The following PDIA6 variants were observed in gnomAD, a reference collection of about 807,000 sequenced individuals.
The protein encoded by PDIA6 is protein disulfide isomerase family A member 6, also known as protein disulfide-isomerase A6.
In PDIA6, 29 loss-of-function variants were observed where a neutral mutation model predicts 58.4. The observed-to-expected ratio is 0.50, with a 90% CI of 0.37 to 0.68. The LOEUF (loss-of-function observed/expected upper bound fraction) is 0.68, where lower values mean the gene tolerates loss of function less well. PDIA6 is among the 30% of genes least tolerant of loss of function. The pLI, the probability that PDIA6 is intolerant of heterozygous loss-of-function variation, is 0.00. For synonymous variants in PDIA6, 192 were observed against 202.6 expected (o/e 0.95, Z 0.44); for missense variants, 480 against 551.0 (o/e 0.87, Z 1.29).
chr2:10,820,107 G>A (rs909823706), intron 1 of PDIA6, among the ~76,000 whole-genome samples: 19 of 152,350 alleles, frequency 1.2e-4, no homozygotes, highest in South Asian at 2.1e-4. Flanking sequence ...CCTGTGGTTC[G>A]TTGTCTCATG....
intron 11 of PDIA6, 39 bp downstream of exon 11, chr2:10,787,242 A>G (rs1665808920): frequency 6.3e-7 from 1 of 1,585,570 alleles, no homozygotes; most frequent in Non-Finnish European, 8.7e-7. Flanking sequence ...GAACCAAACA[A>G]ACAGACAAAA....
rs116547965 is a variant in PDIA6, at chr2:10,798,889, T to C, written c.162-1132A>G. On this transcript the variant is annotated intron_variant, in intron 2 of 12. Coordinates refer to ENST00000272227, the MANE Select transcript of PDIA6 (RefSeq NM_005742.4). The stretch of plus-strand genomic sequence containing the variant: ...ATCAACTATGCCTATATCTCAATAC[T>C]TTCTGGGTCCCGCAAATTGCTTCTG... Among the ~76,000 whole-genome samples the C allele has an allele frequency of 5.7e-3, 865 of 152,326 alleles. 2 individuals carry two copies. The highest frequency in any genetic ancestry group is 9.4e-3 in the Non-Finnish European group (639 of 68,040).
At chr2:10,790,013 C>T (rs1370769989) in intron 7 of PDIA6, 124 bp from the exon 8 acceptor site, 16 of 756,548 alleles carry the variant, frequency 2.1e-5, no homozygotes, top group Non-Finnish European at 2.9e-5. Context: ...CAGTCTCACT[C>T]TGTTGCCCAG....
At chr2:10,810,337 C>T (rs192255906) in intron 1 of PDIA6, 1 of 1,525,012 alleles carries the variant, frequency 6.6e-7, no homozygotes, top group African/African-American at 1.4e-5. Context: ...TAGACTGTGG[C>T]AGAATTAGGT....
chr2:10,792,062 T>C (rs1666060030), intron 5 of PDIA6, 137 bp from the exon 6 acceptor site: 1 of 930,580 alleles, frequency 1.1e-6, no homozygotes, highest in African/African-American at 1.6e-5. Context: ...AAAACGGTTG[T>C]ATTCAAATTG....
At chr2:10,833,308 C>T (rs1342676030), upstream of PDIA6, among the ~76,000 whole-genome samples, 3 of 152,212 alleles carry the variant, frequency 2.0e-5, no homozygotes, top group Non-Finnish European at 4.4e-5. Flanking sequence ...CTCTCCCCTC[C>T]TCCGGCTCCC....
chr2:10,820,656 T>C, intron 1 of PDIA6: 1 of 599,880 alleles, frequency 1.7e-6, no homozygotes, highest in East Asian at 2.8e-5. Context: ...GAAGGGAAGT[T>C]CTGTCGAGGA....
At chr2:10,784,448 A>G in intron 12 of PDIA6, 122 bp from the exon 13 acceptor site, 1 of 706,190 alleles carries the variant, frequency 1.4e-6, no homozygotes, top group South Asian at 1.9e-5. Context: ...GGTTCTCCTC[A>G]GTCTGACTCC....
At position 10,790,659 on chromosome 2, in the gene PDIA6, G is replaced by A. The variant is rs549516481; in HGVS notation, c.699+60C>T. 1.3e-5 allele frequency: 16 copies of A among 1,231,120 alleles called. No individual in the cohort carries two copies. The Admixed American group carries it at 1.7e-4, about 13-fold the overall frequency. 76.3% of individuals were successfully genotyped at this position (1,231,120 alleles called of 1,614,324 possible). On this transcript the variant is annotated intron_variant, in intron 7 of 12. Coordinates refer to ENST00000272227, the MANE Select transcript of PDIA6 (RefSeq NM_005742.4). ...ACCTCATAGGGAGGCCTGGAGTATTGGAAGAAGTAACGAAACACCATGTAT... is the reference window on the plus strand; with the variant it reads ...ACCTCATAGGGAGGCCTGGAGTATTAGAAGAAGTAACGAAACACCATGTAT...
At chr2:10,786,030 A>G (rs893511565) in intron 11 of PDIA6, among the ~76,000 whole-genome samples, 3 of 152,096 alleles carry the variant, frequency 2.0e-5, no homozygotes, top group East Asian at 3.9e-4. Flanking sequence ...ACTTAATGAA[A>G]ACACCCCCTT....
intron 10 of PDIA6, 112 bp downstream of exon 10, chr2:10,788,583 CAT>C: frequency 1.5e-6 from 1 of 656,662 alleles, no homozygotes; most frequent in Non-Finnish European, 2.6e-6. Context: ...AAAAAAAAAA[CAT>C]ATAGCAGAGC....
At chr2:10,784,548 C>G in intron 12 of PDIA6, 1 of 485,092 alleles carries the variant, frequency 2.1e-6, no homozygotes, top group Non-Finnish European at 3.5e-6. Flanking sequence ...ACCATTTTAA[C>G]ACTGGAAGCC....
At chr2:10,812,638 A>T in intron 1 of PDIA6, 40 bp downstream of exon 1, 1 of 1,502,672 alleles carries the variant, frequency 6.7e-7, no homozygotes. Context: ...TTTCAGGCCG[A>T]CCCCAGCTCG....
intron 2 of PDIA6, among the ~76,000 whole-genome samples, chr2:10,798,824 G>A (rs1183196142): frequency 6.6e-6 from 1 of 152,128 alleles, no homozygotes; most frequent in Admixed American, 6.5e-5. Flanking sequence ...ATAGTCTCTA[G>A]TCCAACTTTT....
At chr2:10,828,496 A>G (rs1390220416) in intron 1 of PDIA6, among the ~76,000 whole-genome samples, 2 of 152,138 alleles carry the variant, frequency 1.3e-5, no homozygotes, top group African/African-American at 4.8e-5. Flanking sequence ...CTGAGACCAG[A>G]GGAATGCGAG....
chr2:10,784,800 A>C, intron 12 of PDIA6, 134 bp downstream of exon 12: 2 of 630,780 alleles, frequency 3.2e-6, no homozygotes, highest in Non-Finnish European at 5.6e-6. Context: ...TCAGAGAAGA[A>C]CCTCTTAAAA....
At chr2:10,807,956 C>T (rs1666830891) in intron 1 of PDIA6, among the ~76,000 whole-genome samples, 1 of 152,220 alleles carries the variant, frequency 6.6e-6, no homozygotes, top group Non-Finnish European at 1.5e-5. Flanking sequence ...CATTTCCAAG[C>T]TTTTCCTATT....
intron 5 of PDIA6, 141 bp downstream of exon 5, chr2:10,792,955 T>C (rs1666101286): frequency 3.1e-6 from 2 of 647,100 alleles, no homozygotes; most frequent in Non-Finnish European, 5.5e-6. Flanking sequence ...CCCTCTGGGA[T>C]CGGTGGATCC....
upstream of PDIA6, among the ~76,000 whole-genome samples, chr2:10,814,854 G>A (rs1263357372): frequency 6.6e-6 from 1 of 152,212 alleles, no homozygotes; most frequent in Non-Finnish European, 1.5e-5. Flanking sequence ...TAGCAATCCT[G>A]CTTGGAACAG....
Sources: gnomAD v4.1 joint callset for allele counts (sites outside exome capture counted in the v4.1 genomes callset) on GRCh38, gnomAD v4.1.1 for gene constraint, MANE v1.5 for transcripts, NCBI Gene and HGNC (gene_info 2026-07-23, HGNC 2026-07-21) for gene names.